Variants in GRIN3A observed in about 807,000 individuals in gnomAD.
The protein encoded by GRIN3A is glutamate ionotropic receptor NMDA type subunit 3A, also known as glutamate receptor ionotropic, NMDA 3A.
In GRIN3A, 47 loss-of-function variants were observed where a neutral mutation model predicts 92.4. That is an observed-to-expected ratio of 0.51 (90% CI 0.40 to 0.65). The LOEUF is 0.65. Ranked by LOEUF, GRIN3A falls within the 30% of genes least tolerant of loss-of-function variation. The probability of loss-of-function intolerance (pLI) is 0.00; values close to 1 mark genes in which losing one functional copy is unlikely to be tolerated. For missense variants in GRIN3A, 1,324 were observed against 1,393.1 expected, an observed-to-expected ratio of 0.95 and a Z score of 0.79; for synonymous variants, 527 against 540.6, an observed-to-expected ratio of 0.97 and a Z score of 0.35.
intron 2 of GRIN3A, among the ~76,000 whole-genome samples, chr9:101,684,094 T>TTTTCTTTCTTTCTTTC (rs542469654): frequency 1.4e-5 from 2 of 144,330 alleles, no homozygotes; most frequent in African/African-American, 5.2e-5. Flanking sequence ...CTTCCTGTCT[T>TTTTCTTTCTTTCTTTC]TTTCTTTCTT....
chr9:101,616,615 C>G (rs59550329), intron 5 of GRIN3A, among the ~76,000 whole-genome samples: 18,238 of 151,178 alleles, frequency 0.12, 1,949 homozygotes, highest in African/African-American at 0.29. Context: ...ACATCTCAAG[C>G]CTTTTTCTTT....
At position 101,737,989 on chromosome 9, in the gene GRIN3A, C is replaced by T; in HGVS notation, c.-10G>A. 6.5e-7 allele frequency: 1 copy of T among 1,532,146 alleles called. No individual in the cohort carries two copies. Among genetic ancestry groups the T allele is most frequent in the Non-Finnish European group, 8.7e-7 (1 of 1,145,064 alleles). 94.9% of individuals were successfully genotyped at this position (1,532,146 alleles called of 1,614,324 possible). A position where few individuals can be genotyped will look rare whatever the true frequency, so the allele number is the denominator to read the frequency against. ...AACTCAGTCTCCTCATTACTGAGAC[C>T]CGCAGGGAGAAAGCGCGCCCCCTCC... On this transcript the variant is annotated 5_prime_UTR_variant, in exon 1 of 9. Transcript: ENST00000361820.
intron 1 of GRIN3A, among the ~76,000 whole-genome samples, chr9:101,729,637 A>G (rs937313599): frequency 3.3e-5 from 5 of 152,148 alleles, no homozygotes; most frequent in Admixed American, 6.5e-5. Flanking sequence ...CCACATCTTC[A>G]AAGTCCTTTT....
intron 6 of GRIN3A, among the ~76,000 whole-genome samples, chr9:101,605,892 G>A (rs1487835628): frequency 3.3e-5 from 5 of 152,278 alleles, no homozygotes; most frequent in South Asian, 2.1e-4. Flanking sequence ...TAACAACGGA[G>A]GAGATCCCTG....
At chr9:101,712,352 T>C (rs1416968093) in intron 1 of GRIN3A, among the ~76,000 whole-genome samples, 4 of 152,210 alleles carry the variant, frequency 2.6e-5, no homozygotes, top group Non-Finnish European at 5.9e-5. Context: ...AAGAGCCTTT[T>C]GAACTACAGA....
chr9:101,587,236 G>A (rs1827961762), intron 6 of GRIN3A, among the ~76,000 whole-genome samples: 1 of 151,730 alleles, frequency 6.6e-6, no homozygotes, highest in African/African-American at 2.4e-5. Context: ...CTTGAATCCG[G>A]GAGGCAGAGG....
At chr9:101,609,081 C>T (rs915451351) in intron 6 of GRIN3A, among the ~76,000 whole-genome samples, 13 of 152,184 alleles carry the variant, frequency 8.5e-5, no homozygotes, top group African/African-American at 2.4e-4. Context: ...TAGGCCTTCA[C>T]GCTTCGTGAT....
intron 5 of GRIN3A, among the ~76,000 whole-genome samples, chr9:101,621,756 T>C (rs1828559037): frequency 6.6e-6 from 1 of 152,162 alleles, no homozygotes. Context: ...TTTGACAAGA[T>C]AGAGTTGTCC....
At chr9:101,638,894 A>G (rs1163741324) in intron 3 of GRIN3A, among the ~76,000 whole-genome samples, 3 of 152,206 alleles carry the variant, frequency 2.0e-5, no homozygotes, top group Non-Finnish European at 4.4e-5. Context: ...CAGCCATTGT[A>G]CATGTAGCCA....
At chr9:101,669,242 A>T (rs1829282937) in intron 3 of GRIN3A, among the ~76,000 whole-genome samples, 1 of 152,038 alleles carries the variant, frequency 6.6e-6, no homozygotes, top group African/African-American at 2.4e-5. Flanking sequence ...GGGCTGGACT[A>T]ATTTTCTGTA....
At chr9:101,671,961 A>G (rs897223166) in intron 2 of GRIN3A, among the ~76,000 whole-genome samples, 2 of 152,184 alleles carry the variant, frequency 1.3e-5, no homozygotes, top group African/African-American at 2.4e-5. Context: ...CAGAAAAACT[A>G]GACTAATATG....
intron 1 of GRIN3A, among the ~76,000 whole-genome samples, chr9:101,690,713 C>T (rs1428928126): frequency 6.6e-6 from 1 of 151,888 alleles, no homozygotes; most frequent in Non-Finnish European, 1.5e-5. Context: ...TATTAGAACA[C>T]ATTAGAAAAT....
At chr9:101,728,572 T>A (rs1441514441) in intron 1 of GRIN3A, among the ~76,000 whole-genome samples, 2 of 152,150 alleles carry the variant, frequency 1.3e-5, no homozygotes, top group African/African-American at 4.8e-5. Flanking sequence ...TTCAGAAAAA[T>A]TTTTAAAAAT....
At chr9:101,627,488 T>G (rs910054515) in intron 4 of GRIN3A, among the ~76,000 whole-genome samples, 29 of 152,332 alleles carry the variant, frequency 1.9e-4, no homozygotes, top group African/African-American at 6.7e-4. Context: ...ACCAGTTTCC[T>G]GATGCTGCAC....
At chr9:101,669,576 T>C (rs1829288921) in intron 3 of GRIN3A, among the ~76,000 whole-genome samples, 1 of 152,122 alleles carries the variant, frequency 6.6e-6, no homozygotes, top group African/African-American at 2.4e-5. Flanking sequence ...AGCAGTTGAC[T>C]TTGGTGCTTA....
At chr9:101,723,695 A>G (rs1020360236) in intron 1 of GRIN3A, among the ~76,000 whole-genome samples, 1 of 152,102 alleles carries the variant, frequency 6.6e-6, no homozygotes, top group African/African-American at 2.4e-5. Context: ...TCCCCACCAG[A>G]TTAGATTAGC....
rs531274658 is a variant in GRIN3A, at chr9:101,656,184, C to T, written c.2352+13876G>A. 2.6e-5 allele frequency among the ~76,000 whole-genome samples: 4 copies of T among 152,060 alleles called. No homozygotes were observed. In the South Asian group the frequency reaches 8.3e-4, roughly 32 times the overall value. On this transcript the variant is annotated intron_variant, in intron 3 of 8. Transcript: ENST00000361820. Reference sequence around the variant, plus strand: ...TTTCTGAAATTCTTTAGAGGATAGACTGATTTGTGCTGGTTTTGCACAAAG... The same window carrying T: ...TTTCTGAAATTCTTTAGAGGATAGATTGATTTGTGCTGGTTTTGCACAAAG...
rs889900051 is a variant in GRIN3A, at chr9:101,570,653, A to G, written c.*2521T>C. 3.9e-5 allele frequency: 6 copies of G among 152,576 alleles called. No homozygotes were observed. Among genetic ancestry groups the G allele is most frequent in the African/African-American group, 1.4e-4 (6 of 41,432 alleles). 9.5% of individuals were successfully genotyped at this position (152,576 alleles called of 1,614,324 possible). A position where few individuals can be genotyped will look rare whatever the true frequency, so the allele number is the denominator to read the frequency against. On this transcript the variant is annotated 3_prime_UTR_variant, in exon 9 of 9. Coordinates refer to ENST00000361820, the MANE Select transcript of GRIN3A (RefSeq NM_133445.3). ...GTGTTTTGGCCAGGTAGTTCCTCCA[A>G]AGATGTTTGAGGAGCGTGCATTGGT...
At chr9:101,691,417 T>A (rs906737906) in intron 1 of GRIN3A, among the ~76,000 whole-genome samples, 39 of 152,296 alleles carry the variant, frequency 2.6e-4, no homozygotes, top group African/African-American at 8.2e-4. Context: ...ATTAATTTAG[T>A]AATTATGATT....
Sources: allele counts gnomAD v4.1 joint callset (sites outside exome capture counted in the v4.1 genomes callset), GRCh38; gene constraint gnomAD v4.1.1; transcripts MANE v1.5; gene names NCBI Gene and HGNC (gene_info 2026-07-23, HGNC 2026-07-21).